PRSS48: variants seen among roughly 807,000 people sequenced by gnomAD.
PRSS48 encodes serine protease 48.
In PRSS48, 21 loss-of-function variants were observed where a neutral mutation model predicts 25.6. The ratio of observed to expected loss-of-function variants is 0.82; its 90% confidence interval spans 0.58 to 1.18. The LOEUF is 1.18. PRSS48 is among the 50% of genes most tolerant of loss of function. The pLI, the probability that PRSS48 is intolerant of heterozygous loss-of-function variation, is 0.00. For synonymous variants in PRSS48, 150 were observed against 149.3 expected (o/e 1.00, Z -0.04); for missense variants, 373 against 399.3 (o/e 0.93, Z 0.56).
At chr4:151,280,108 T>C (rs1272558855) in intron 2 of PRSS48, 150 bp downstream of exon 2, 7 of 746,606 alleles carry the variant, frequency 9.4e-6, no homozygotes, top group Non-Finnish European at 1.5e-5. Flanking sequence ...CCGAAACAAC[T>C]AGAGACAGGG....
chr4:151,291,409 G>C (rs759665136), exon 5 of PRSS48: 1 of 1,613,854 alleles, frequency 6.2e-7, no homozygotes, highest in Admixed American at 1.7e-5. Context: ...TTGCATACAG[G>C]GCTGGGAAGA....
chr4:151,288,643 T>A (rs1775046891), intron 4 of PRSS48, among the ~76,000 whole-genome samples: 1 of 150,896 alleles, frequency 6.6e-6, no homozygotes, highest in Non-Finnish European at 1.5e-5. Context: ...CACTCCAGCC[T>A]GGGCGGGGCA....
exon 3 of PRSS48, chr4:151,282,412 A>G: frequency 6.2e-7 from 1 of 1,613,706 alleles, no homozygotes; most frequent in Non-Finnish European, 8.5e-7. Context: ...AGGAAAGTTC[A>G]GGTGAGAATG....
chr4:151,285,609 A>G (rs544002972), intron 4 of PRSS48, among the ~76,000 whole-genome samples: 31 of 152,308 alleles, frequency 2.0e-4, no homozygotes, highest in Middle Eastern at 3.4e-3. Flanking sequence ...ACGTTAAACA[A>G]TATATCTCAA....
intron 4 of PRSS48, among the ~76,000 whole-genome samples, chr4:151,290,609 G>A (rs931650408): frequency 5.9e-5 from 9 of 152,134 alleles, no homozygotes; most frequent in African/African-American, 1.9e-4. Flanking sequence ...TCTAAAATGG[G>A]TTGTGGTGAT....
At chr4:151,279,987 G>T in intron 2 of PRSS48, 29 bp downstream of exon 2, 1 of 1,328,014 alleles carries the variant, frequency 7.5e-7, no homozygotes. Context: ...CTAACACACA[G>T]ACAGGTTCTC....
rs375153519 is a variant in PRSS48 at position 151,283,174 on chromosome 4, C to G, written c.539C>G (p.Ala180Gly). 35 of 1,613,770 alleles carry G rather than the reference C, an allele frequency of 2.2e-5. No homozygotes were observed. The highest frequency in any genetic ancestry group is 3.0e-5 in the Non-Finnish European group (35 of 1,179,824). Residue 180 changes from alanine to glycine, a missense_variant, in exon 4 of 5, where the codon GCT (alanine) becomes GGT (glycine). Coordinates refer to ENST00000455694, the Ensembl canonical transcript of PRSS48. ...GAAGTACCCATTATTGACCGCCAGGCTTGTGAACAGCTCTACAATCCCATC... is the reference window on the plus strand; with the variant it reads ...GAAGTACCCATTATTGACCGCCAGGGTTGTGAACAGCTCTACAATCCCATC...
intron 2 of PRSS48, 150 bp downstream of exon 2, chr4:151,280,108 T>A: frequency 1.3e-6 from 1 of 746,724 alleles, no homozygotes; most frequent in Non-Finnish European, 2.2e-6. Context: ...CCGAAACAAC[T>A]AGAGACAGGG....
intron 4 of PRSS48, among the ~76,000 whole-genome samples, chr4:151,287,149 T>A (rs1470584179): frequency 6.6e-6 from 1 of 151,750 alleles, no homozygotes; most frequent in East Asian, 1.9e-4. Context: ...GGGACCAGCC[T>A]GGCCTACATG....
At chr4:151,285,535 A>G (rs1774660248) in intron 4 of PRSS48, among the ~76,000 whole-genome samples, 1 of 152,230 alleles carries the variant, frequency 6.6e-6, no homozygotes, top group South Asian at 2.1e-4. Context: ...AAGAAACAAC[A>G]TATCAAATCT....
chr4:151,285,359 AAAAC>A (rs1305975821), intron 4 of PRSS48, among the ~76,000 whole-genome samples: 1 of 152,242 alleles, frequency 6.6e-6, no homozygotes, highest in Non-Finnish European at 1.5e-5. Flanking sequence ...GCTAAGCTGT[AAAAC>A]AAGCCTCAAT....
At chr4:151,280,099 C>A in intron 2 of PRSS48, 141 bp downstream of exon 2, 1 of 988,100 alleles carries the variant, frequency 1.0e-6, no homozygotes, top group Non-Finnish European at 1.5e-6. Flanking sequence ...CTATCAAACC[C>A]GAAACAACTA....
At chr4:151,287,107 G>C (rs576411100) in intron 4 of PRSS48, among the ~76,000 whole-genome samples, 2 of 151,366 alleles carry the variant, frequency 1.3e-5, no homozygotes, top group Non-Finnish European at 2.9e-5. Context: ...TTGGGAGGCC[G>C]AGGCAGGCAG....
Position 151,291,113 on chromosome 4 carries a change from C to G in PRSS48, c.652-5C>G. 6.2e-7 allele frequency: 1 copy of G among 1,603,426 alleles called. No homozygotes were observed. The highest frequency in any genetic ancestry group is 8.5e-7 in the Non-Finnish European group (1 of 1,174,096). Reference sequence around the variant, plus strand: ...TATGCTCATTACCTTTCATTTCTTCCTTAGGGTGATTCTGGAGGGCCTCTG... The same window carrying G: ...TATGCTCATTACCTTTCATTTCTTCGTTAGGGTGATTCTGGAGGGCCTCTG... On this transcript the variant is annotated splice_region_variant and splice_polypyrimidine_tract_variant and intron_variant, in intron 4 of 4. Coordinates refer to ENST00000455694, the Ensembl canonical transcript of PRSS48.
exon 2 of PRSS48, chr4:151,279,935 G>T: frequency 6.2e-7 from 1 of 1,613,534 alleles, no homozygotes; most frequent in South Asian, 1.1e-5. Context: ...GGTTGATACT[G>T]ACAGCAGCAC....
upstream of PRSS48, chr4:151,277,162 A>C: frequency 6.9e-7 from 1 of 1,444,772 alleles, no homozygotes; most frequent in Non-Finnish European, 9.2e-7. Context: ...ACTGGCTCTG[A>C]GGACAGAGAC....
chr4:151,281,394 C>T (rs950289008), intron 2 of PRSS48, among the ~76,000 whole-genome samples: 1 of 152,122 alleles, frequency 6.6e-6, no homozygotes, highest in Non-Finnish European at 1.5e-5. Context: ...AGAACAAACG[C>T]ATTAAATACT....
At chr4:151,277,202 G>A in exon 1 of PRSS48, 1 of 1,501,274 alleles carries the variant, frequency 6.7e-7, no homozygotes, top group Non-Finnish European at 9.0e-7. Flanking sequence ...CCTTCACGCT[G>A]CTCCTTCTGC....
chr4:151,281,125 GCAGC>G (rs58083458), intron 2 of PRSS48, among the ~76,000 whole-genome samples: 54,585 of 151,794 alleles, frequency 0.36, 10,752 homozygotes, highest in Middle Eastern at 0.44. Flanking sequence ...TGGCTGTGCA[GCAGC>G]CCAGATTAGA....
Sources: allele counts gnomAD v4.1 joint callset (sites outside exome capture counted in the v4.1 genomes callset), GRCh38; gene constraint gnomAD v4.1.1; transcripts MANE v1.5; gene names NCBI Gene and HGNC (gene_info 2026-07-23, HGNC 2026-07-21).